The following RUBCNL variants were observed in gnomAD, a reference collection of about 807,000 sequenced individuals.
RUBCNL encodes rubicon like autophagy enhancer.
In RUBCNL, 62 loss-of-function variants were observed where a neutral mutation model predicts 69.5. The ratio of observed to expected loss-of-function variants is 0.89; its 90% CI spans 0.73 to 1.10. RUBCNL has a LOEUF of 1.10. Among genes scored for constraint, RUBCNL ranks in the 50% least tolerant of loss-of-function variants. The probability of loss-of-function intolerance (pLI) is 0.00; values close to 1 mark genes in which losing one functional copy is unlikely to be tolerated. For synonymous variants in RUBCNL, 291 were observed against 303.6 expected, an observed-to-expected ratio of 0.96 and a Z score of 0.43; for missense variants, 768 against 798.1, an observed-to-expected ratio of 0.96 and a Z score of 0.45.
At chr13:46,362,942 A>C (rs1594157902) in intron 6 of RUBCNL, among the ~76,000 whole-genome samples, 173 bp downstream of exon 6, 1 of 53,360 alleles carries the variant, frequency 1.9e-5, no homozygotes, top group South Asian at 5.1e-4. Flanking sequence ...ATATATAGAT[A>C]TATATATATA....
chr13:46,345,873 C>T (rs925249295), intron 12 of RUBCNL, among the ~76,000 whole-genome samples: 7 of 152,176 alleles, frequency 4.6e-5, no homozygotes, highest in African/African-American at 1.7e-4. Flanking sequence ...TGCCCATGCA[C>T]ACATTGAGCA....
intron 6 of RUBCNL, 33 bp downstream of exon 6, chr13:46,363,082 G>T: frequency 7.3e-7 from 1 of 1,372,436 alleles, no homozygotes; most frequent in Non-Finnish European, 1.0e-6. Flanking sequence ...TGGGGAGGCA[G>T]CCAGTCACAT....
At chr13:46,376,139 G>A (rs1161266412) in intron 2 of RUBCNL, among the ~76,000 whole-genome samples, 1 of 152,066 alleles carries the variant, frequency 6.6e-6, no homozygotes, top group African/African-American at 2.4e-5. Flanking sequence ...TATCAGTAAG[G>A]CTGCAGTTAA....
At chr13:46,382,420 C>T (rs2049137842) in intron 1 of RUBCNL, among the ~76,000 whole-genome samples, 1 of 150,326 alleles carries the variant, frequency 6.7e-6, no homozygotes, top group Non-Finnish European at 1.5e-5. Context: ...CATGATAGAA[C>T]TATCTAGAAA....
chr13:46,361,447 G>A lies in RUBCNL; in HGVS notation c.1113C>T (p.Gly371=), dbSNP rs1184143723. ...AATTTTTTTTGATACTTACTATCGA[G>A]CCAGCTGCACTCAGGGAACCTGCCA... ...SQLAGSLSAA[G]SIVVNEECVR... The change falls in exon 8 of 15, where the codon GGC becomes GGT. Residue 371 remains glycine, a synonymous_variant. Coordinates refer to ENST00000429979, the MANE Select transcript of RUBCNL (RefSeq NM_025113.5). The A allele has an allele frequency of 6.2e-7, 1 of 1,613,572 alleles. No homozygotes were observed. Among genetic ancestry groups the A allele is most frequent in the South Asian group, 1.1e-5 (1 of 90,986 alleles).
At chr13:46,359,763 A>C in intron 8 of RUBCNL, 132 bp from the exon 9 acceptor site, 1 of 869,300 alleles carries the variant, frequency 1.2e-6, no homozygotes, top group Non-Finnish European at 1.7e-6. Context: ...AACTGAACTA[A>C]AGGGCATACC....
chr13:46,383,012 T>C (rs571322335), intron 1 of RUBCNL, among the ~76,000 whole-genome samples: 8 of 152,340 alleles, frequency 5.3e-5, no homozygotes, highest in Non-Finnish European at 5.9e-5. Flanking sequence ...GGACGATAAA[T>C]AGAAATAATT....
In RUBCNL at chr13:46,337,483, A is replaced by G. The variant is rs994492099; in HGVS notation, c.*5902T>C. 6.6e-6 allele frequency among the ~76,000 whole-genome samples: 1 copy of G among 152,172 alleles called. No homozygotes were observed. Among genetic ancestry groups the G allele is most frequent in the East Asian group, 1.9e-4 (1 of 5,196 alleles). ...TCTCTCTCCTTTCTACCATGTAAGG[A>G]TACAGTGAGATAGTGCCATCTATGA... On this transcript the variant is annotated 3_prime_UTR_variant, in exon 15 of 15. Transcript: ENST00000429979.
At chr13:46,359,345 G>T in intron 9 of RUBCNL, 141 bp downstream of exon 9, 1 of 595,060 alleles carries the variant, frequency 1.7e-6, no homozygotes, top group Admixed American at 4.0e-5. Flanking sequence ...AGAAAATACA[G>T]CCAACTTTCC....
At chr13:46,379,248 T>C (rs1013196415) in intron 1 of RUBCNL, among the ~76,000 whole-genome samples, 3 of 152,128 alleles carry the variant, frequency 2.0e-5, no homozygotes, top group Non-Finnish European at 4.4e-5. Flanking sequence ...GGCTAATTTT[T>C]AGTATTCTGT....
intron 12 of RUBCNL, among the ~76,000 whole-genome samples, 174 bp from the exon 13 acceptor site, chr13:46,345,774 G>C (rs1203417145): frequency 2.0e-5 from 3 of 152,120 alleles, no homozygotes; most frequent in Non-Finnish European, 2.9e-5. Flanking sequence ...TCTACATGTT[G>C]CAAGTTTGCT....
chr13:46,381,191 T>C (rs2049108782), intron 1 of RUBCNL, among the ~76,000 whole-genome samples: 1 of 152,180 alleles, frequency 6.6e-6, no homozygotes, highest in African/African-American at 2.4e-5. Context: ...CTATTCATAA[T>C]AGCCAAAAAG....
chr13:46,385,311 A>G (rs2138861467), intron 1 of RUBCNL: 1 of 967,114 alleles, frequency 1.0e-6, no homozygotes, highest in African/African-American at 1.8e-5. Flanking sequence ...TTTAATTAAA[A>G]AGAAAAAACA....
At position 46,340,346 on chromosome 13, in the gene RUBCNL, T is replaced by G. The variant is rs1269945620; in HGVS notation, c.*3039A>C. On this transcript the variant is annotated 3_prime_UTR_variant, in exon 15 of 15. Transcript: ENST00000429979. ...TATAAACTGAGACCCAGGGAGTAAC[T>G]TACCCAGAGATACAGAAAATAAGGG... is the stretch of plus-strand genomic sequence containing the variant. Among the ~76,000 whole-genome samples, 1 of 152,226 alleles carries G rather than the reference T, an allele frequency of 6.6e-6. No individual in the cohort carries two copies. Among genetic ancestry groups the G allele is most frequent in the Non-Finnish European group, 1.5e-5 (1 of 68,042 alleles).
rs2048102663 is a variant in RUBCNL, at chr13:46,335,962, G to C, written c.*7423C>G. ...ATAAGACCATCCCAAGAGAAGAAAA[G>C]AGATGGCAAAACTGAGCCCTGGAAT... On this transcript the variant is annotated 3_prime_UTR_variant, in exon 15 of 15. Transcript: ENST00000429979. Among the ~76,000 whole-genome samples, 1 of 152,214 alleles carries C rather than the reference G, an allele frequency of 6.6e-6. No individual in the cohort carries two copies. The highest frequency in any genetic ancestry group is 2.1e-4 in the South Asian group (1 of 4,828).
At chr13:46,357,131 A>T (rs2048505009) in intron 9 of RUBCNL, among the ~76,000 whole-genome samples, 1 of 151,260 alleles carries the variant, frequency 6.6e-6, no homozygotes, top group Non-Finnish European at 1.5e-5. Flanking sequence ...TCACGAGGTC[A>T]GGAGATGGAG....
Position 46,338,475 on chromosome 13 carries a change from GTGGGGT to G in RUBCNL, c.*4904_*4909del, listed in dbSNP as rs1273818029. Among the ~76,000 whole-genome samples the G allele has an allele frequency of 1.4e-4, 22 of 152,086 alleles. No homozygotes were observed. Among genetic ancestry groups the G allele is most frequent in the South Asian group, 4.1e-4 (2 of 4,832 alleles). ...GGGAAAGACCTGAGCAGCCCTAAAA[GTGGGGT>G]TGAGACCACAGGGCAGGGGATTCTG... On this transcript the variant is annotated 3_prime_UTR_variant, in exon 15 of 15. Transcript: ENST00000429979.
rs894427942 is a variant in RUBCNL at position 46,336,273 on chromosome 13, G to A, written c.*7112C>T. 1.3e-5 allele frequency among the ~76,000 whole-genome samples: 2 copies of A among 152,140 alleles called. No individual in the cohort carries two copies. Among genetic ancestry groups the A allele is most frequent in the Admixed American group, 6.5e-5 (1 of 15,268 alleles). ...CAGCACCTCCATCATCAGACTCTAC[G>A]AAGATGGAGTTTCAGGTGGTCCCCA... On this transcript the variant is annotated 3_prime_UTR_variant, in exon 15 of 15. Coordinates refer to ENST00000429979, the MANE Select transcript of RUBCNL (RefSeq NM_025113.5).
intron 8 of RUBCNL, among the ~76,000 whole-genome samples, chr13:46,360,529 CT>C (rs1181087658): frequency 6.6e-6 from 1 of 152,180 alleles, no homozygotes; most frequent in Admixed American, 6.5e-5. Context: ...TGCCCCTCCA[CT>C]TTTGCTGCAG....
Sources: allele counts gnomAD v4.1 joint callset (sites outside exome capture counted in the v4.1 genomes callset), GRCh38; gene constraint gnomAD v4.1.1; transcripts MANE v1.5; gene names NCBI Gene and HGNC (gene_info 2026-07-23, HGNC 2026-07-21).